AGBL4: variants seen among roughly 807,000 people sequenced by gnomAD.
The protein encoded by AGBL4 is cytosolic carboxypeptidase 6.
In AGBL4, 58 loss-of-function variants were observed where a neutral mutation model predicts 66.4. The observed-to-expected ratio is 0.87, with a 90% confidence interval of 0.71 to 1.09. The LOEUF is 1.09. Ranked by LOEUF, AGBL4 falls within the 50% of genes least tolerant of loss-of-function variation. The pLI is 0.00. For missense variants in AGBL4, 579 were observed against 631.0 expected (o/e 0.92, Z 0.88); for synonymous variants, 234 against 222.9 (o/e 1.05, Z -0.44).
intron 6 of AGBL4, among the ~76,000 whole-genome samples, chr1:48,752,761 T>TC (rs1194867386): frequency 4.6e-5 from 7 of 150,890 alleles, no homozygotes; most frequent in Non-Finnish European, 8.9e-5. Context: ...ATTTACTCCT[T>TC]TTTTTTTTGG....
chr1:49,561,231 T>G (rs974298131), intron 3 of AGBL4, among the ~76,000 whole-genome samples: 8 of 151,806 alleles, frequency 5.3e-5, no homozygotes, highest in Admixed American at 6.6e-5. Context: ...GGTGTAGAGC[T>G]TTTTTAAGTT....
intron 3 of AGBL4, among the ~76,000 whole-genome samples, chr1:49,535,716 G>A (rs1448543730): frequency 6.6e-6 from 1 of 151,966 alleles, no homozygotes; most frequent in African/African-American, 2.4e-5. Flanking sequence ...TTTTGAGACG[G>A]AGTCTCCCTC....
chr1:49,489,053 A>T (rs987756267), intron 3 of AGBL4, among the ~76,000 whole-genome samples: 2 of 151,960 alleles, frequency 1.3e-5, no homozygotes, highest in African/African-American at 4.8e-5. Flanking sequence ...TATATCTAGT[A>T]GTGGAATTGC....
At chr1:49,348,417 T>G (rs1232939815) in intron 3 of AGBL4, among the ~76,000 whole-genome samples, 7 of 148,940 alleles carry the variant, frequency 4.7e-5, no homozygotes, top group Admixed American at 1.3e-4. Context: ...CGACACTCCG[T>G]CTCAAAAAAA....
At chr1:49,037,955 T>C (rs1018248406) in intron 5 of AGBL4, among the ~76,000 whole-genome samples, 1 of 152,086 alleles carries the variant, frequency 6.6e-6, no homozygotes, top group Non-Finnish European at 1.5e-5. Flanking sequence ...GTAGACAAAT[T>C]ACTTAATCTC....
intron 12 of AGBL4, among the ~76,000 whole-genome samples, chr1:48,538,666 T>C (rs1009878432): frequency 6.6e-6 from 1 of 152,224 alleles, no homozygotes; most frequent in Non-Finnish European, 1.5e-5. Flanking sequence ...AGATGGGAAA[T>C]ACAATGTCTA....
chr1:49,628,713 G>A (rs1458040794), intron 3 of AGBL4, among the ~76,000 whole-genome samples: 1 of 152,128 alleles, frequency 6.6e-6, no homozygotes, highest in Non-Finnish European at 1.5e-5. Context: ...GATGTCTTTG[G>A]ACTATATTGT....
chr1:48,587,617 TTTTA>T (rs869294854), intron 10 of AGBL4, among the ~76,000 whole-genome samples: 8 of 137,448 alleles, frequency 5.8e-5, no homozygotes, highest in African/African-American at 2.2e-4. Flanking sequence ...ATTATTATTA[TTTTA>T]TTTATTTTAT....
At chr1:49,556,369 G>T (rs903227945) in intron 3 of AGBL4, among the ~76,000 whole-genome samples, 3 of 152,080 alleles carry the variant, frequency 2.0e-5, no homozygotes, top group East Asian at 1.9e-4. Flanking sequence ...ACATACTGGC[G>T]CCTGTCGTGA....
chr1:49,737,186 T>C (rs933613135), intron 2 of AGBL4, among the ~76,000 whole-genome samples: 3 of 152,178 alleles, frequency 2.0e-5, no homozygotes, highest in African/African-American at 4.8e-5. Context: ...TTCCTGGGTA[T>C]ATACTCAAAA....
At chr1:48,611,341 CG>C (rs879394236) in intron 9 of AGBL4, among the ~76,000 whole-genome samples, 141 of 152,324 alleles carry the variant, frequency 9.3e-4, no homozygotes, top group Non-Finnish European at 1.7e-3. Flanking sequence ...AAAGACTCTT[CG>C]GGGAGGGTCA....
chr1:49,408,830 C>A (rs1039882337), intron 3 of AGBL4, among the ~76,000 whole-genome samples: 1 of 152,182 alleles, frequency 6.6e-6, no homozygotes, highest in Non-Finnish European at 1.5e-5. Flanking sequence ...CCTCAGCTGG[C>A]AGACAGCCTA....
chr1:49,332,168 G>A (rs1046878474), intron 3 of AGBL4, among the ~76,000 whole-genome samples: 2 of 152,188 alleles, frequency 1.3e-5, no homozygotes, highest in Non-Finnish European at 2.9e-5. Flanking sequence ...ACTTATTCAG[G>A]ATGAAGGCAA....
intron 1 of AGBL4, among the ~76,000 whole-genome samples, chr1:50,016,392 C>T (rs1366033958): frequency 6.6e-6 from 1 of 152,040 alleles, no homozygotes; most frequent in Non-Finnish European, 1.5e-5. Flanking sequence ...CAAAACCCAC[C>T]TCTACTAAAA....
chr1:49,872,494 C>T (rs2148114839), intron 1 of AGBL4, among the ~76,000 whole-genome samples: 1 of 152,166 alleles, frequency 6.6e-6, no homozygotes, highest in South Asian at 2.1e-4. Context: ...AAGTTCCTGA[C>T]TTGTGGCTAA....
At chr1:48,659,098 G>C (rs1271893974) in intron 7 of AGBL4, among the ~76,000 whole-genome samples, 1 of 152,212 alleles carries the variant, frequency 6.6e-6, no homozygotes, top group African/African-American at 2.4e-5. Context: ...GAAAAGAAGA[G>C]CTGAGAGCTG....
chr1:48,617,499 T>A (rs1008607077), intron 9 of AGBL4, among the ~76,000 whole-genome samples: 5 of 152,170 alleles, frequency 3.3e-5, no homozygotes, highest in Admixed American at 6.5e-5. Flanking sequence ...TGACCACTTT[T>A]CTTTTTTTAA....
At chr1:48,752,775 G>A (rs1252615747) in intron 6 of AGBL4, among the ~76,000 whole-genome samples, 1 of 151,618 alleles carries the variant, frequency 6.6e-6, no homozygotes, top group Non-Finnish European at 1.5e-5. Context: ...TTTTTGGACA[G>A]AGTCTCGCTC....
At chr1:49,295,507 G>A (rs897383016) in intron 3 of AGBL4, among the ~76,000 whole-genome samples, 1 of 152,204 alleles carries the variant, frequency 6.6e-6, no homozygotes, top group Non-Finnish European at 1.5e-5. Context: ...AATATAGGTA[G>A]AGATGTGAAA....
Sources: allele counts gnomAD v4.1 joint callset (sites outside exome capture counted in the v4.1 genomes callset), GRCh38; gene constraint gnomAD v4.1.1; transcripts MANE v1.5; gene names NCBI Gene and HGNC (gene_info 2026-07-23, HGNC 2026-07-21).